The following ENTREP2 variants were observed in gnomAD, a reference collection of about 807,000 sequenced individuals.
The protein encoded by ENTREP2 is endosomal transmembrane epsin interactor 2, also known as protein ENTREP2.
the ENTREP2 span, among the ~76,000 whole-genome samples, chr15:29,261,974 CAT>C: frequency 1.9e-4 from 25 of 131,794 alleles, no homozygotes; most frequent in South Asian, 4.9e-3. Context: ...AGAAAGGAAA[CAT>C]AAAGTAATTA....
the ENTREP2 span, among the ~76,000 whole-genome samples, chr15:29,148,314 C>T: frequency 6.6e-6 from 1 of 152,194 alleles, no homozygotes; most frequent in Admixed American, 6.5e-5. Context: ...ACAGCTGTTA[C>T]CCGATCCCCC....
At chr15:29,441,009 T>C in the ENTREP2 span, among the ~76,000 whole-genome samples, 1 of 152,196 alleles carries the variant, frequency 6.6e-6, no homozygotes, top group African/African-American at 2.4e-5. Context: ...GAGGCATGTG[T>C]ACCCCCATGT....
the ENTREP2 span, among the ~76,000 whole-genome samples, chr15:29,450,771 A>C: frequency 6.6e-6 from 1 of 152,246 alleles, no homozygotes; most frequent in African/African-American, 2.4e-5. Context: ...ACATCATGGA[A>C]TATGATGCGG....
chr15:29,381,754 G>A, the ENTREP2 span: 6 of 1,550,146 alleles, frequency 3.9e-6, no homozygotes, highest in East Asian at 2.4e-5. Flanking sequence ...AAGGCCACCT[G>A]GAGACGCAGG....
chr15:29,399,016 A>G, the ENTREP2 span, among the ~76,000 whole-genome samples: 1,392 of 152,308 alleles, frequency 9.1e-3, 29 homozygotes, highest in African/African-American at 0.031. Flanking sequence ...TGAAGTCCCA[A>G]TTTGAGGTGT....
chr15:29,168,463 T>C, the ENTREP2 span, among the ~76,000 whole-genome samples: 6 of 152,190 alleles, frequency 3.9e-5, no homozygotes, highest in African/African-American at 1.4e-4. Context: ...TAATTTAAAT[T>C]TTCCACGAAA....
the ENTREP2 span, among the ~76,000 whole-genome samples, chr15:29,630,245 T>C: frequency 9.9e-5 from 15 of 152,184 alleles, no homozygotes; most frequent in African/African-American, 4.8e-5. Context: ...TTTTAGGACA[T>C]AGGGTTTATA....
At chr15:29,575,598 T>G in the ENTREP2 span, among the ~76,000 whole-genome samples, 1 of 152,182 alleles carries the variant, frequency 6.6e-6, no homozygotes, top group Non-Finnish European at 1.5e-5. Context: ...CATGATTTGA[T>G]ATATAGAAAA....
chr15:29,219,035 C>G, the ENTREP2 span, among the ~76,000 whole-genome samples: 1 of 151,830 alleles, frequency 6.6e-6, no homozygotes, highest in African/African-American at 2.4e-5. Context: ...CACAGGGTGG[C>G]AGAACATCTT....
At chr15:29,471,515 A>G in the ENTREP2 span, among the ~76,000 whole-genome samples, 63,787 of 151,932 alleles carry the variant, frequency 0.42, 14,099 homozygotes, top group African/African-American at 0.57. Context: ...GAGGCAGAAC[A>G]GCGGCTACAA....
chr15:29,671,133 G>A, the ENTREP2 span, among the ~76,000 whole-genome samples: 3 of 152,298 alleles, frequency 2.0e-5, no homozygotes, highest in Non-Finnish European at 1.5e-5. Flanking sequence ...CCTGAACAAC[G>A]AAGTCTGGAG....
chr15:29,438,751 C>T, the ENTREP2 span, among the ~76,000 whole-genome samples: 2 of 152,102 alleles, frequency 1.3e-5, no homozygotes, highest in African/African-American at 4.8e-5. Context: ...TAAAGTTATC[C>T]TTTTGCCTCC....
the ENTREP2 span, among the ~76,000 whole-genome samples, chr15:29,140,412 G>C: frequency 1.3e-5 from 2 of 152,112 alleles, no homozygotes; most frequent in South Asian, 2.1e-4. Flanking sequence ...TTCTGTCTCT[G>C]TAATTTGGTC....
chr15:29,525,639 A>G, the ENTREP2 span, among the ~76,000 whole-genome samples: 1 of 152,216 alleles, frequency 6.6e-6, no homozygotes, highest in Admixed American at 6.5e-5. Flanking sequence ...CCAGTCTCAA[A>G]AGGTTATATG....
chr15:29,400,956 G>A, the ENTREP2 span, among the ~76,000 whole-genome samples: 5 of 152,200 alleles, frequency 3.3e-5, no homozygotes, highest in Non-Finnish European at 5.9e-5. Context: ...CCATCGCCCC[G>A]GGCCTTCTGA....
At chr15:29,617,101 T>C in the ENTREP2 span, among the ~76,000 whole-genome samples, 1 of 152,074 alleles carries the variant, frequency 6.6e-6, no homozygotes, top group Admixed American at 6.5e-5. Context: ...ATAAGATTTA[T>C]TATAGGAACT....
At chr15:29,273,217 G>A in the ENTREP2 span, among the ~76,000 whole-genome samples, 1 of 47,512 alleles carries the variant, frequency 2.1e-5, no homozygotes, top group Admixed American at 2.4e-4. Context: ...TTTTTTTTTT[G>A]AGATGGAGTT....
At chr15:29,543,962 C>T in the ENTREP2 span, among the ~76,000 whole-genome samples, 328 of 151,920 alleles carry the variant, frequency 2.2e-3, 3 homozygotes, top group Middle Eastern at 0.024. Flanking sequence ...TGAACTTTTA[C>T]TAGAGCTGTT....
the ENTREP2 span, chr15:29,265,495 C>T: frequency 6.6e-6 from 1 of 152,092 alleles, no homozygotes; most frequent in East Asian, 1.9e-4. Flanking sequence ...AAAAATTAGC[C>T]GGACGTGGTG....
Sources: gnomAD v4.1 joint callset for allele counts (sites outside exome capture counted in the v4.1 genomes callset) on GRCh38, gnomAD v4.1.1 for gene constraint, MANE v1.5 for transcripts, NCBI Gene and HGNC (gene_info 2026-07-23, HGNC 2026-07-21) for gene names.